The following NRP2 variants were observed in gnomAD, a reference collection of about 807,000 sequenced individuals.
NRP2 encodes the protein neuropilin-2.
A neutral mutation model predicts 110.4 loss-of-function variants in NRP2; 52 were observed. The observed-to-expected ratio is 0.47, with a 90% CI of 0.38 to 0.59. The LOEUF is 0.59. Among genes scored for constraint, NRP2 ranks in the 20% least tolerant of loss-of-function variants. The pLI, the probability that NRP2 is intolerant of heterozygous loss-of-function variation, is 0.00. For synonymous variants in NRP2, 508 were observed against 468.9 expected, an observed-to-expected ratio of 1.08 and a Z score of -1.08; for missense variants, 1,049 against 1,203.0, an observed-to-expected ratio of 0.87 and a Z score of 1.89.
chr2:205,743,273 C>T lies in NRP2; in HGVS notation c.1362C>T (p.Ser454=). ...CAGACTCCCAGATCTCCGCCTCTTCCACCCAGGAATACCTCTGGAGCCCCA... is the reference window on the plus strand; with the variant it reads ...CAGACTCCCAGATCTCCGCCTCTTCTACCCAGGAATACCTCTGGAGCCCCA... ...LIADSQISAS[S]TQEYLWSPSA... The change falls in exon 9 of 17, where the codon TCC becomes TCT. Residue 454 remains serine (S), a synonymous_variant. Coordinates refer to ENST00000357785, the MANE Select transcript of NRP2 (RefSeq NM_003872.3). 6.2e-7 allele frequency: 1 copy of T among 1,614,138 alleles called. No homozygotes were observed. Among genetic ancestry groups the T allele is most frequent in the Non-Finnish European group, 8.5e-7 (1 of 1,180,032 alleles).
intron 1 of NRP2, among the ~76,000 whole-genome samples, chr2:205,687,554 C>A (rs935196244): frequency 6.6e-6 from 1 of 152,228 alleles, no homozygotes; most frequent in African/African-American, 2.4e-5. Flanking sequence ...GGGCAGGCCC[C>A]TACTCGTCCA....
At chr2:205,764,901 C>T (rs985109047) in intron 13 of NRP2, among the ~76,000 whole-genome samples, 4 of 152,166 alleles carry the variant, frequency 2.6e-5, no homozygotes, top group Non-Finnish European at 5.9e-5. Flanking sequence ...TCTTGTCTTA[C>T]TAGGTTTTGT....
intron 8 of NRP2, among the ~76,000 whole-genome samples, chr2:205,741,100 G>A (rs1200935770): frequency 3.9e-5 from 6 of 152,186 alleles, no homozygotes; most frequent in Non-Finnish European, 5.9e-5. Context: ...TGCCTCAACC[G>A]GGGGCCAAGA....
intron 15 of NRP2, among the ~76,000 whole-genome samples, chr2:205,784,557 G>A (rs2058214820): frequency 6.6e-6 from 1 of 152,140 alleles, no homozygotes; most frequent in Non-Finnish European, 1.5e-5. Flanking sequence ...GCCAACTGTG[G>A]CCTAAGAGGA....
Position 205,740,512 on chromosome 2 carries a change from G to T in NRP2, c.1147-7G>T. The T allele has an allele frequency of 6.2e-7, 1 of 1,614,132 alleles. No individual in the cohort carries two copies. Among genetic ancestry groups the T allele is most frequent in the Non-Finnish European group, 8.5e-7 (1 of 1,180,004 alleles). On this transcript the variant is annotated splice_region_variant and splice_polypyrimidine_tract_variant and intron_variant, in intron 7 of 16. Coordinates refer to ENST00000357785, the MANE Select transcript of NRP2 (RefSeq NM_003872.3). ...TCAATAACATGGTTTTGCATCTTAC[G>T]CTACAGGTATTTCAAGCCAACAACG...
chr2:205,755,325 T>C (rs1387580966), intron 12 of NRP2, among the ~76,000 whole-genome samples: 2 of 152,208 alleles, frequency 1.3e-5, no homozygotes, highest in African/African-American at 4.8e-5. Context: ...AAGGAACTGC[T>C]AAATCTAATG....
chr2:205,727,741 AT>A, intron 6 of NRP2, 149 bp from the exon 7 acceptor site: 2 of 717,404 alleles, frequency 2.8e-6, no homozygotes, highest in East Asian at 5.5e-5. Flanking sequence ...GTCCAATGGA[AT>A]TGCAAACTGA....
In NRP2 at chr2:205,749,123, T is replaced by A. The variant is rs79388260; in HGVS notation, c.1787-602T>A. 1.4e-4 allele frequency among the ~76,000 whole-genome samples: 22 copies of A among 152,332 alleles called. 1 individual carries two copies. In the East Asian group the frequency reaches 4.2e-3, roughly 29 times the overall value. ...GGGCCACCTCCCCTCCAGGCCCCAG[T>A]CTGCTGGAGCCAGTCATGGAGGCCA... is the stretch of plus-strand genomic sequence containing the variant. On this transcript the variant is annotated intron_variant, in intron 10 of 16. Coordinates refer to ENST00000357785, the MANE Select transcript of NRP2 (RefSeq NM_003872.3).
chr2:205,778,660 A>G (rs562181271), intron 15 of NRP2: 1 of 152,186 alleles, frequency 6.6e-6, no homozygotes, highest in African/African-American at 2.4e-5. Context: ...TTGAGAAATT[A>G]TGTCTGGAAA....
chr2:205,687,494 G>A (rs1325033766), intron 1 of NRP2, among the ~76,000 whole-genome samples: 1 of 152,174 alleles, frequency 6.6e-6, no homozygotes, highest in Non-Finnish European at 1.5e-5. Flanking sequence ...GTTGCCAGCA[G>A]AGCACACAGT....
chr2:205,796,359 C>G lies in NRP2; in HGVS notation c.*1301C>G, dbSNP rs1356143271. On this transcript the variant is annotated 3_prime_UTR_variant, in exon 17 of 17. Coordinates refer to ENST00000357785, the MANE Select transcript of NRP2 (RefSeq NM_003872.3). Reference sequence around the variant, plus strand: ...AAGTACTGTGGACAAGAATGCTTAACCATGCTGCTTCAGCCTTGAGAGACC... The same window carrying G: ...AAGTACTGTGGACAAGAATGCTTAAGCATGCTGCTTCAGCCTTGAGAGACC... The G allele has an allele frequency of 1.3e-5, 2 of 152,634 alleles. No individual in the cohort carries two copies. The highest frequency in any genetic ancestry group is 2.9e-5 in the Non-Finnish European group (2 of 68,076). 9.5% of individuals were successfully genotyped at this position (152,634 alleles called of 1,614,324 possible).
chr2:205,718,664 G>A (rs1311945347), intron 3 of NRP2, among the ~76,000 whole-genome samples: 7 of 152,282 alleles, frequency 4.6e-5, no homozygotes, highest in African/African-American at 1.4e-4. Context: ...TATATATGCC[G>A]GGCGCAGTGG....
At chr2:205,777,211 T>C (rs2058113897) in intron 15 of NRP2, 3 of 926,336 alleles carry the variant, frequency 3.2e-6, no homozygotes, top group Non-Finnish European at 3.9e-6. Flanking sequence ...CCTAAAGAAA[T>C]AGAGGCCACA....
At chr2:205,783,678 G>A (rs1388338270) in intron 15 of NRP2, among the ~76,000 whole-genome samples, 1 of 152,222 alleles carries the variant, frequency 6.6e-6, no homozygotes, top group East Asian at 1.9e-4. Context: ...TATAGGCATA[G>A]GCAAAGCTAC....
At chr2:205,756,535 G>A (rs902421722) in intron 12 of NRP2, 2 of 152,052 alleles carry the variant, frequency 1.3e-5, no homozygotes, top group African/African-American at 2.4e-5. Context: ...CCAAAACTTC[G>A]GTTCTGCTGT....
chr2:205,774,398 G>A (rs2058067396), intron 15 of NRP2, among the ~76,000 whole-genome samples: 1 of 152,206 alleles, frequency 6.6e-6, no homozygotes, highest in Non-Finnish European at 1.5e-5. Context: ...AATAAGGTGG[G>A]AGAAGAGGAA....
intron 12 of NRP2, chr2:205,759,725 G>C (rs928017629): frequency 6.6e-6 from 1 of 152,114 alleles, no homozygotes; most frequent in African/African-American, 2.4e-5. Context: ...GGCCTTCCTG[G>C]GTTATTGGTG....
At position 205,771,970 on chromosome 2, in the gene NRP2, C is replaced by A. The variant is rs140619201; in HGVS notation, c.2425+5167C>A. ...GCCAATAGGCCACAGTGAGCTGACC[C>A]CTGGGTTAGAGCACAGGCTGGGATT... On this transcript the variant is annotated intron_variant, in intron 15 of 16. Coordinates refer to ENST00000357785, the MANE Select transcript of NRP2 (RefSeq NM_003872.3). Among the ~76,000 whole-genome samples, 5 of 152,350 alleles carry A rather than the reference C, an allele frequency of 3.3e-5. No individual in the cohort carries two copies. In the East Asian group the frequency reaches 9.6e-4, roughly 29 times the overall value.
intron 2 of NRP2, among the ~76,000 whole-genome samples, chr2:205,712,787 G>A (rs898293035): frequency 6.6e-6 from 1 of 152,132 alleles, no homozygotes; most frequent in African/African-American, 2.4e-5. Context: ...CTGGAAGTTG[G>A]GGGGATTTCA....
Sources: gnomAD v4.1 joint callset for allele counts (sites outside exome capture counted in the v4.1 genomes callset) on GRCh38, gnomAD v4.1.1 for gene constraint, MANE v1.5 for transcripts, NCBI Gene and HGNC (gene_info 2026-07-23, HGNC 2026-07-21) for gene names.